Variants in CEP162 observed in about 807,000 individuals in gnomAD.
The protein encoded by CEP162 is centrosomal protein 162, also known as centrosomal protein of 162 kDa.
CEP162 carries 141 observed loss-of-function variants against 169.2 expected under a neutral mutation model. The ratio of observed to expected loss-of-function variants is 0.83; its 90% CI spans 0.73 to 0.96. The LOEUF (loss-of-function observed/expected upper bound fraction) is 0.96. CEP162 is among the 40% of genes least tolerant of loss of function. The pLI, the probability that CEP162 is intolerant of heterozygous loss-of-function variation, is 0.00. For missense variants in CEP162, 1,600 were observed against 1,587.2 expected, an observed-to-expected ratio of 1.01 and a Z score of -0.14; for synonymous variants, 540 against 526.4, an observed-to-expected ratio of 1.03 and a Z score of -0.35.
chr6:84,160,115 T>C (rs2099525167), intron 21 of CEP162, among the ~76,000 whole-genome samples: 1 of 152,174 alleles, frequency 6.6e-6, no homozygotes, highest in Non-Finnish European at 1.5e-5. Flanking sequence ...ATGACTTGAC[T>C]ACAGAATCAT....
At chr6:84,150,858 C>A (rs2099520813) in intron 23 of CEP162, among the ~76,000 whole-genome samples, 1 of 152,116 alleles carries the variant, frequency 6.6e-6, no homozygotes, top group African/African-American at 2.4e-5. Context: ...AGTCAATAAG[C>A]ATTTGTTGGG....
chr6:84,153,170 C>T lies in CEP162; in HGVS notation c.3004G>A (p.Glu1002Lys), dbSNP rs370963748. 8 of 1,589,598 alleles carry T rather than the reference C, an allele frequency of 5.0e-6. No individual in the cohort carries two copies. The highest frequency in any genetic ancestry group is 2.7e-5 in the African/African-American group (2 of 73,216). The change falls in exon 23 of 27, where the codon GAA becomes AAA. Residue 1002 changes from glutamate to lysine, a missense_variant. Transcript: ENST00000403245. ...QQFQKMKIQY[E>K]QRLEQQEQLL... is the part of the protein sequence containing the mutation. ...TGCTCCTGCTGCTCTAGTCTTTGTT[C>T]ATACTGAATCTGAAGGAAAGAATCC...
chr6:84,153,221 G>A (rs746240702), intron 22 of CEP162, 42 bp from the exon 23 acceptor site: 9 of 1,540,662 alleles, frequency 5.8e-6, no homozygotes, highest in South Asian at 3.9e-5. Flanking sequence ...CCTGTTAAAC[G>A]TTTCATTAGT....
rs201276295 is a variant in CEP162 at position 84,125,980 on chromosome 6, TTAAG to T, written c.4005+394_4005+397del. Among the ~76,000 whole-genome samples the T allele has an allele frequency of 6.3e-3, 958 of 152,288 alleles. 4 individuals carry two copies. Among genetic ancestry groups the T allele is most frequent in the African/African-American group, 0.022 (922 of 41,568 alleles). On this transcript the variant is annotated intron_variant, in intron 26 of 26. Transcript: ENST00000403245. ...CTTCTATTAATTTATCTGTTTATAATTAAGTATAGTAATATTACTAGTGCTAGCT... is the reference window on the plus strand; with the variant it reads ...CTTCTATTAATTTATCTGTTTATAATTATAGTAATATTACTAGTGCTAGCT...
chr6:84,145,909 A>G (rs2099518651), intron 25 of CEP162, among the ~76,000 whole-genome samples: 1 of 152,080 alleles, frequency 6.6e-6, no homozygotes, highest in Non-Finnish European at 1.5e-5. Flanking sequence ...TACTCCTACC[A>G]TTAACTTTTG....
intron 10 of CEP162, among the ~76,000 whole-genome samples, chr6:84,194,050 A>C (rs2127724057): frequency 6.6e-6 from 1 of 152,328 alleles, no homozygotes; most frequent in African/African-American, 2.4e-5. Context: ...TAATTTGATC[A>C]AGGCATATTA....
At chr6:84,197,738 AC>A (rs1562072347) in intron 9 of CEP162, among the ~76,000 whole-genome samples, 3 of 151,272 alleles carry the variant, frequency 2.0e-5, no homozygotes, top group Non-Finnish European at 4.4e-5. Context: ...AATCACTTGA[AC>A]CCAGGAGGTG....
intron 11 of CEP162, among the ~76,000 whole-genome samples, chr6:84,190,975 C>G (rs1351863331): frequency 6.6e-6 from 1 of 152,166 alleles, no homozygotes; most frequent in Non-Finnish European, 1.5e-5. Context: ...GCCACCGTGC[C>G]CAGCCTACTT....
rs1237245619 is a variant in CEP162, at chr6:84,132,083, T to A, written c.3871-5571A>T. Among the ~76,000 whole-genome samples the A allele has an allele frequency of 3.3e-5, 5 of 152,246 alleles. No homozygotes were observed. The East Asian group carries it at 9.6e-4, about 29-fold the overall frequency. On this transcript the variant is annotated intron_variant, in intron 25 of 26. Coordinates refer to ENST00000403245, the MANE Select transcript of CEP162 (RefSeq NM_014895.4). The stretch of plus-strand genomic sequence containing the variant: ...ACTTGCTTGTCTGTAAAGGATTTTA[T>A]TTCTCCTTCACTTACGAAGCTTAGT...
At chr6:84,163,837 C>T (rs1015782122) in intron 18 of CEP162, among the ~76,000 whole-genome samples, 4 of 151,506 alleles carry the variant, frequency 2.6e-5, no homozygotes, top group East Asian at 3.9e-4. Flanking sequence ...AGGTGGTGCC[C>T]GCCACCATGA....
In CEP162 at chr6:84,125,173, C is replaced by A. The variant is rs377765191; in HGVS notation, c.4109G>T (p.Arg1370Leu). The A allele has an allele frequency of 6.2e-7, 1 of 1,613,540 alleles. No individual in the cohort carries two copies. Among genetic ancestry groups the A allele is most frequent in the Non-Finnish European group, 8.5e-7 (1 of 1,179,602 alleles). ...QLKNRELEKF[R>L]TELDSILDVL... is the part of the protein sequence containing the mutation. ...ATCTAATATTGAGTCTAGTTCTGTG[C>A]GGAACTTCTCCAGCTCACGATTCTT... The change falls in exon 27 of 27, where the codon CGC becomes CTC. Residue 1370 changes from arginine (R) to leucine (L), a missense_variant. Arg to Leu is a moderately radical substitution (Grantham distance 102, BLOSUM62 -2). Coordinates refer to ENST00000403245, the MANE Select transcript of CEP162 (RefSeq NM_014895.4).
chr6:84,186,767 A>G (rs1588830249), intron 11 of CEP162, 144 bp from the exon 12 acceptor site: 1 of 670,260 alleles, frequency 1.5e-6, no homozygotes, highest in Non-Finnish European at 2.4e-6. Flanking sequence ...TGTTAAATAC[A>G]GTATAATTTT....
At position 84,193,595 on chromosome 6, in the gene CEP162, TAAA is replaced by T; in HGVS notation, c.1109+11_1109+13del. Reference sequence around the variant, plus strand: ...AAGTTTCCAATGACAAAACAATAAATAAAAAATTCATACCTGACAGGTTGTAAA... The same window carrying T: ...AAGTTTCCAATGACAAAACAATAAATAAATTCATACCTGACAGGTTGTAAA... On this transcript the variant is annotated intron_variant, in intron 11 of 26. Coordinates refer to ENST00000403245, the MANE Select transcript of CEP162 (RefSeq NM_014895.4). The T allele has an allele frequency of 6.7e-7, 1 of 1,494,084 alleles. No homozygotes were observed. The highest frequency in any genetic ancestry group is 9.1e-7 in the Non-Finnish European group (1 of 1,101,614). The allele number at this position is 1,494,084 out of a possible 1,614,324, so 92.6% of individuals were successfully genotyped here.
chr6:84,148,426 G>A (rs1361221091), intron 24 of CEP162, among the ~76,000 whole-genome samples: 1 of 152,062 alleles, frequency 6.6e-6, no homozygotes, highest in African/African-American at 2.4e-5. Context: ...CTACTTGGAA[G>A]GCTGAGACAG....
rs889578482 is a variant in CEP162, at chr6:84,185,096, T to G, written c.1663+91A>C. 4.6e-5 allele frequency: 55 copies of G among 1,197,886 alleles called. No individual in the cohort carries two copies. The Admixed American group carries it at 1.2e-3, about 25-fold the overall frequency. The allele number at this position is 1,197,886 out of a possible 1,614,324, so 74.2% of individuals were successfully genotyped here. ...TCAAGCCCTGTTGCCTCCTGCAAAT[T>G]GAATCTTACAAATGGAATGTGGTAC... On this transcript the variant is annotated intron_variant, in intron 13 of 26. Transcript: ENST00000403245.
chr6:84,126,099 AGGGTAAGATGT>A (rs1402587088), intron 26 of CEP162, among the ~76,000 whole-genome samples: 1 of 152,166 alleles, frequency 6.6e-6, no homozygotes, highest in East Asian at 1.9e-4. Context: ...CCTTGTTCCC[AGGGTAAGATGT>A]GTAAGTTTTT....
rs374892680 is a variant in CEP162, at chr6:84,193,680, T to G, written c.1038A>C (p.Thr346=). Residue 346 remains threonine, a synonymous_variant, in exon 11 of 27, where the codon ACA becomes ACC. Transcript: ENST00000403245. ...NISTMESDLP[T]VEELMKPIRI... is the part of the protein sequence containing the mutation. ...TGATAGGTTTCATCAGCTCCTCTAC[T>G]GTGGGCAGATCTAAGAGGTGGAAAA... The G allele has an allele frequency of 2.0e-5, 31 of 1,561,234 alleles. No individual in the cohort carries two copies. Among genetic ancestry groups the G allele is most frequent in the African/African-American group, 2.7e-5 (2 of 73,536 alleles).
intron 2 of CEP162, among the ~76,000 whole-genome samples, chr6:84,225,638 G>C (rs9449848): frequency 0.12 from 18,803 of 151,854 alleles, 3,895 homozygotes; most frequent in African/African-American, 0.43. Flanking sequence ...AATGAACGTA[G>C]AGTCATCACA....
At chr6:84,163,414 C>T (rs776899017) in intron 18 of CEP162, 144 bp from the exon 19 acceptor site, 23 of 627,594 alleles carry the variant, frequency 3.7e-5, no homozygotes, top group Non-Finnish European at 6.1e-5. Context: ...CCACCTGCCC[C>T]ACCCCAGAAT....
Sources: allele counts gnomAD v4.1 joint callset (sites outside exome capture counted in the v4.1 genomes callset), GRCh38; gene constraint gnomAD v4.1.1; transcripts MANE v1.5; gene names NCBI Gene and HGNC (gene_info 2026-07-23, HGNC 2026-07-21).